EIF2S3: variants seen among roughly 807,000 people sequenced by gnomAD.
EIF2S3 encodes eukaryotic translation initiation factor 2 subunit gamma.
A neutral mutation model predicts 31.7 loss-of-function variants in EIF2S3; 2 were observed. That is an observed-to-expected ratio of 0.06 (90% confidence interval 0.03 to 0.20). EIF2S3 has a LOEUF of 0.20. EIF2S3 is among the 10% of genes least tolerant of loss of function. EIF2S3 has a pLI of 1.00. For missense variants in EIF2S3, 96 were observed against 359.3 expected (o/e 0.27, Z 5.92); for synonymous variants, 120 against 126.7 (o/e 0.95, Z 0.36).
intron 9 of EIF2S3, among the ~76,000 whole-genome samples, chrX:24,069,420 T>G (rs1404171012): frequency 9.4e-6 from 1 of 106,128 alleles, no homozygotes; most frequent in Non-Finnish European, 1.9e-5. Context: ...AAAAAATGAA[T>G]TTACCAGGTT....
In EIF2S3 at chrX:24,057,725, A is replaced by T; in HGVS notation, c.354A>T (p.Pro118=). 8.3e-7 allele frequency: 1 copy of T among 1,209,503 alleles called. No individual in the cohort carries two copies. The highest frequency in any genetic ancestry group is 3.0e-5 in the East Asian group (1 of 33,859). Residue 118 remains proline, a synonymous_variant, in exon 4 of 12, where the codon CCA becomes CCT. Transcript: ENST00000253039. The part of the protein sequence containing the change: ...STPDEFPTDI[P]GTKGNFKLVR... ...CTGACGAGTTTCCTACGGACATTCC[A>T]GGGACCAAAGGGAACTTCAAATTAG...
chrX:24,065,942 A>C, intron 7 of EIF2S3, 56 bp from the exon 8 acceptor site: 1 of 1,036,467 alleles, frequency 9.6e-7, no homozygotes, highest in Non-Finnish European at 1.3e-6. Context: ...CATGGAAAAT[A>C]ATATTTCTTC....
rs1401294331 is a variant in EIF2S3, at chrX:24,077,859, C to T, written c.*1074C>T. Reference sequence around the variant, plus strand: ...GATGAGTAACAAAGATCTTTTTAGGCCTTCATTTTATGTTTTTTCTTAACT... The same window carrying T: ...GATGAGTAACAAAGATCTTTTTAGGTCTTCATTTTATGTTTTTTCTTAACT... On this transcript the variant is annotated 3_prime_UTR_variant, in exon 12 of 12. Coordinates refer to ENST00000253039, the MANE Select transcript of EIF2S3 (RefSeq NM_001415.4). 1 of 111,312 alleles carries T rather than the reference C, an allele frequency of 9.0e-6. No individual in the cohort carries two copies. The highest frequency in any genetic ancestry group is 3.3e-5 in the African/African-American group (1 of 30,673). 9.2% of individuals were successfully genotyped at this position (111,312 alleles called of 1,213,427 possible).
At chrX:24,058,200 G>A (rs1053260248) in intron 4 of EIF2S3, among the ~76,000 whole-genome samples, 1 of 111,904 alleles carries the variant, frequency 8.9e-6, no homozygotes, top group Non-Finnish European at 1.9e-5. Flanking sequence ...TATGGGGATT[G>A]GAGATGCCCT....
At position 24,077,071 on chromosome X, in the gene EIF2S3, T is replaced by G. The variant is rs1413132709; in HGVS notation, c.*286T>G. 1 of 214,813 alleles carries G rather than the reference T, an allele frequency of 4.7e-6. No individual in the cohort carries two copies. Among genetic ancestry groups the G allele is most frequent in the African/African-American group, 3.0e-5 (1 of 33,314 alleles). The allele number at this position is 214,813 out of a possible 1,213,427, so 17.7% of individuals were successfully genotyped here. ...AAAATTATACATCATGCAGTTCTGT[T>G]TTTTTGTTTGTTTTATTTTGTTTTG... On this transcript the variant is annotated 3_prime_UTR_variant, in exon 12 of 12. Transcript: ENST00000253039.
At position 24,054,968 on chromosome X, in the gene EIF2S3, C is replaced by G. The variant is rs759705511; in HGVS notation, c.-1C>G. 97 of 1,208,844 alleles carry G rather than the reference C, an allele frequency of 8.0e-5. No individual in the cohort carries two copies. Among genetic ancestry groups the G allele is most frequent in the Non-Finnish European group, 1.1e-4 (94 of 894,892 alleles). The stretch of plus-strand genomic sequence containing the variant: ...GGTGATTTCCTTCCTCTTTTGGCAA[C>G]ATGGCGGGCGGAGAAGCTGGAGTGA... On this transcript the variant is annotated 5_prime_UTR_variant, in exon 1 of 12. Coordinates refer to ENST00000253039, the MANE Select transcript of EIF2S3 (RefSeq NM_001415.4).
intron 8 of EIF2S3, 95 bp from the exon 9 acceptor site, chrX:24,067,869 T>G: frequency 6.2e-5 from 62 of 992,279 alleles, no homozygotes; most frequent in Non-Finnish European, 7.2e-5. Context: ...ATTACACATG[T>G]GAGCCACCGC....
intron 2 of EIF2S3, among the ~76,000 whole-genome samples, chrX:24,056,523 A>G (rs1930406042): frequency 8.9e-6 from 1 of 111,948 alleles, no homozygotes; most frequent in Admixed American, 9.6e-5. Context: ...GTCAGGGCCC[A>G]TCATACCTGT....
At chrX:24,058,550 T>C (rs1420469944) in intron 4 of EIF2S3, among the ~76,000 whole-genome samples, 2 of 98,612 alleles carry the variant, frequency 2.0e-5, no homozygotes, top group African/African-American at 3.7e-5. Flanking sequence ...TTTTTTTTTT[T>C]TTTTTTGAGA....
At chrX:24,063,172 G>A (rs935672635) in intron 6 of EIF2S3, among the ~76,000 whole-genome samples, 1 of 112,097 alleles carries the variant, frequency 8.9e-6, no homozygotes, top group Non-Finnish European at 1.9e-5. Context: ...GAACTTGGGG[G>A]GCGGAGGTTG....
intron 7 of EIF2S3, among the ~76,000 whole-genome samples, chrX:24,064,545 A>C (rs1344791233): frequency 8.9e-6 from 1 of 112,636 alleles, no homozygotes. Context: ...CTGTTAACCT[A>C]AGCCGGGCGC....
In EIF2S3 at chrX:24,060,804, A is replaced by G. The variant is rs751662540; in HGVS notation, c.478+622A>G. Among the ~76,000 whole-genome samples, 15 of 105,491 alleles carry G rather than the reference A, an allele frequency of 1.4e-4. No homozygotes were observed. In the South Asian group the frequency reaches 6.3e-3, roughly 44 times the overall value. 91.6% of individuals were successfully genotyped at this position (105,491 alleles called of 115,157 possible). The stretch of plus-strand genomic sequence containing the variant: ...TGGAGAAACCCCCTCTCTACTAAAA[A>G]TACAAAATTAGCCGGGTGTGGTGGC... On this transcript the variant is annotated intron_variant, in intron 5 of 11. Transcript: ENST00000253039.
At chrX:24,057,823 T>C (rs931328183) in intron 4 of EIF2S3, 69 bp downstream of exon 4, 102 of 1,094,270 alleles carry the variant, frequency 9.3e-5, no homozygotes, top group Non-Finnish European at 1.0e-4. Context: ...CTTTTTGAAA[T>C]ATCGAGGTGT....
In EIF2S3 at chrX:24,065,624, A is replaced by G. The variant is rs185533626; in HGVS notation, c.773-374A>G. ...TAGAGGGAAAAAAAAATCCATATAC[A>G]GACATTGATTATTTTATTTTTCTTT... On this transcript the variant is annotated intron_variant, in intron 7 of 11. Coordinates refer to ENST00000253039, the MANE Select transcript of EIF2S3 (RefSeq NM_001415.4). 3.0e-4 allele frequency among the ~76,000 whole-genome samples: 33 copies of G among 111,687 alleles called. 1 individual carries two copies. The East Asian group carries it at 9.0e-3, about 30-fold the overall frequency.
In EIF2S3 at chrX:24,078,273, G is replaced by A. The variant is rs1327082062; in HGVS notation, c.*1488G>A. ...ACTCCTAACCTCAGGTGATCCGCCC[G>A]CCTCTGCCTTCCAAAGTGCTGGGAT... On this transcript the variant is annotated 3_prime_UTR_variant, in exon 12 of 12. Transcript: ENST00000253039. 2.7e-5 allele frequency among the ~76,000 whole-genome samples: 3 copies of A among 111,029 alleles called. No homozygotes were observed. The highest frequency in any genetic ancestry group is 6.5e-5 in the African/African-American group (2 of 30,596).
chrX:24,071,555 T>C lies in EIF2S3; in HGVS notation c.1013-3T>C, dbSNP rs760665689. 2.5e-6 allele frequency: 3 copies of C among 1,202,046 alleles called. No homozygotes were observed. The highest frequency in any genetic ancestry group is 4.6e-5 in the Admixed American group (2 of 43,317). Reference sequence around the variant, plus strand: ...GAGCTATATACATCTTATTTTTATATAGGAGTTGGAACAAAAATTGACCCC... The same window carrying C: ...GAGCTATATACATCTTATTTTTATACAGGAGTTGGAACAAAAATTGACCCC... On this transcript the variant is annotated splice_polypyrimidine_tract_variant and splice_region_variant and intron_variant, in intron 9 of 11. Coordinates refer to ENST00000253039, the MANE Select transcript of EIF2S3 (RefSeq NM_001415.4).
intron 7 of EIF2S3, among the ~76,000 whole-genome samples, chrX:24,065,607 A>G (rs1930560025): frequency 9.0e-6 from 1 of 111,683 alleles, no homozygotes; most frequent in South Asian, 3.7e-4. Flanking sequence ...GATAGAGGGA[A>G]AAAAAAATCC....
intron 2 of EIF2S3, among the ~76,000 whole-genome samples, chrX:24,056,581 G>C (rs995092078): frequency 8.9e-6 from 1 of 111,917 alleles, no homozygotes; most frequent in African/African-American, 3.2e-5. Context: ...AGTTCTGGCC[G>C]GGTGCAGTGG....
intron 7 of EIF2S3, among the ~76,000 whole-genome samples, chrX:24,064,900 C>G (rs1003493164): frequency 2.7e-5 from 3 of 112,042 alleles, no homozygotes; most frequent in African/African-American, 9.7e-5. Context: ...TGGAGTAATA[C>G]AGTATTCTCC....
Sources: allele counts gnomAD v4.1 joint callset (sites outside exome capture counted in the v4.1 genomes callset), GRCh38; gene constraint gnomAD v4.1.1; transcripts MANE v1.5; gene names NCBI Gene and HGNC (gene_info 2026-07-23, HGNC 2026-07-21).